Variants in SRGAP2C observed in about 807,000 individuals in gnomAD.
The protein encoded by SRGAP2C is SLIT-ROBO Rho GTPase-activating protein 2C.
In SRGAP2C, 15 loss-of-function variants were observed where a neutral mutation model predicts 25.1. The ratio of observed to expected loss-of-function variants is 0.60; its 90% CI spans 0.40 to 0.92. The LOEUF is 0.92. Among genes scored for constraint, SRGAP2C ranks in the 40% least tolerant of loss-of-function variants. The probability of loss-of-function intolerance (pLI) is 0.00; values close to 1 mark genes in which losing one functional copy is unlikely to be tolerated. For missense variants in SRGAP2C, 144 were observed against 264.4 expected (o/e 0.54, Z 3.16); for synonymous variants, 44 against 96.6 (o/e 0.46, Z 3.19).
At chr1:121,204,230 A>G (rs1313474989) in intron 2 of SRGAP2C, among the ~76,000 whole-genome samples, 3 of 151,702 alleles carry the variant, frequency 2.0e-5, no homozygotes, top group Non-Finnish European at 2.9e-5. Flanking sequence ...TAGGTTTTGC[A>G]TCTTACTAGG....
In SRGAP2C at chr1:121,339,188, A is replaced by G. The variant is rs1553342798; in HGVS notation, c.423+14548A>G. ...AATGTTGCCTATATGATCATATAGC[A>G]GTCTGTAGTCTGGCTGTCCCATAGC... is the stretch of plus-strand genomic sequence containing the variant. On this transcript the variant is annotated intron_variant, in intron 4 of 9. Coordinates refer to ENST00000367123, the MANE Select transcript of SRGAP2C (RefSeq NM_001329984.2). Among the ~76,000 whole-genome samples the G allele has an allele frequency of 5.1e-3, 773 of 150,854 alleles. 10 individuals carry two copies. The highest frequency in any genetic ancestry group is 0.017 in the African/African-American group (718 of 41,076).
At chr1:121,335,318 G>A (rs1467017502) in intron 4 of SRGAP2C, among the ~76,000 whole-genome samples, 1 of 143,030 alleles carries the variant, frequency 7.0e-6, no homozygotes, top group Non-Finnish European at 1.5e-5. Context: ...TCCAGCCTGG[G>A]AGACAGAGCA....
At chr1:121,304,997 G>A (rs1657795936) in intron 3 of SRGAP2C, among the ~76,000 whole-genome samples, 1 of 152,114 alleles carries the variant, frequency 6.6e-6, no homozygotes, top group Non-Finnish European at 1.5e-5. Context: ...TTAAGTCAGG[G>A]CTTTAGCAGA....
intron 2 of SRGAP2C, among the ~76,000 whole-genome samples, chr1:121,257,272 T>A (rs587711009): frequency 2.7e-5 from 4 of 146,836 alleles, no homozygotes; most frequent in Non-Finnish European, 6.0e-5. Flanking sequence ...CGCATCGCCA[T>A]GCCCAGCTAA....
chr1:121,267,983 A>G (rs1167703983), intron 2 of SRGAP2C, among the ~76,000 whole-genome samples: 1 of 150,920 alleles, frequency 6.6e-6, no homozygotes, highest in Non-Finnish European at 1.5e-5. Context: ...CACCCAAAAA[A>G]CAGCTCTTGA....
intron 7 of SRGAP2C, among the ~76,000 whole-genome samples, chr1:121,379,222 A>G (rs781030309): frequency 6.6e-6 from 1 of 152,194 alleles, no homozygotes. Flanking sequence ...CTGAACTGTG[A>G]AACACCCATT....
At chr1:121,321,180 C>T (rs1420419788) in intron 3 of SRGAP2C, among the ~76,000 whole-genome samples, 1 of 141,864 alleles carries the variant, frequency 7.0e-6, no homozygotes, top group Non-Finnish European at 1.5e-5. Flanking sequence ...GAAACTGGGT[C>T]CTGGGTCTCT....
chr1:121,314,320 C>T (rs1570777588), intron 3 of SRGAP2C, among the ~76,000 whole-genome samples: 2 of 150,298 alleles, frequency 1.3e-5, no homozygotes, highest in African/African-American at 2.5e-5. Context: ...TCTAGTTATA[C>T]ATTCTTCTAA....
At chr1:121,189,989 C>A (rs1472957413) in intron 2 of SRGAP2C, among the ~76,000 whole-genome samples, 4 of 147,216 alleles carry the variant, frequency 2.7e-5, no homozygotes, top group Non-Finnish European at 4.5e-5. Context: ...TTCCTTTATT[C>A]ATTAACTATT....
At chr1:121,379,108 G>A (rs1305214387) in intron 7 of SRGAP2C, among the ~76,000 whole-genome samples, 2 of 152,324 alleles carry the variant, frequency 1.3e-5, no homozygotes, top group Non-Finnish European at 2.9e-5. Context: ...GTACATGTAT[G>A]GAAGGTCTTT....
chr1:121,383,387 G>A (rs1205525437), intron 8 of SRGAP2C, among the ~76,000 whole-genome samples: 4 of 152,046 alleles, frequency 2.6e-5, no homozygotes, highest in African/African-American at 4.8e-5. Context: ...GTGGGGAAGC[G>A]AGGGCTAGGT....
intron 5 of SRGAP2C, among the ~76,000 whole-genome samples, chr1:121,369,655 CAAG>C (rs1553350468): frequency 7.7e-6 from 1 of 129,076 alleles, no homozygotes; most frequent in Non-Finnish European, 1.6e-5. Flanking sequence ...ACTAGGGAGA[CAAG>C]AACAAATAAG....
chr1:121,278,225 G>A (rs2101559291), intron 2 of SRGAP2C, among the ~76,000 whole-genome samples: 1 of 151,902 alleles, frequency 6.6e-6, no homozygotes. Flanking sequence ...GGGATTACAG[G>A]GGTGAGCCAC....
chr1:121,283,753 A>C (rs1657301829), intron 2 of SRGAP2C, among the ~76,000 whole-genome samples: 2 of 151,416 alleles, frequency 1.3e-5, no homozygotes, highest in African/African-American at 4.8e-5. Context: ...ATTGGGACAT[A>C]ACTTCAGCAG....
intron 2 of SRGAP2C, among the ~76,000 whole-genome samples, chr1:121,198,929 A>T (rs1376544698): frequency 1.3e-5 from 2 of 152,186 alleles, no homozygotes; most frequent in African/African-American, 4.8e-5. Flanking sequence ...ATTGGCTGCC[A>T]TGATTTTAGA....
chr1:121,267,882 AT>A (rs1313256886), intron 2 of SRGAP2C, among the ~76,000 whole-genome samples: 1 of 151,544 alleles, frequency 6.6e-6, no homozygotes, highest in Non-Finnish European at 1.5e-5. Flanking sequence ...ACTCTTGCTT[AT>A]TTTTTTAAAA....
At chr1:121,367,959 C>T (rs1244494607) in intron 5 of SRGAP2C, among the ~76,000 whole-genome samples, 1 of 104,924 alleles carries the variant, frequency 9.5e-6, no homozygotes, top group East Asian at 3.5e-4. Context: ...GCCTGTCGTC[C>T]CAGCTACTGG....
chr1:121,305,289 G>A (rs1657804669), intron 3 of SRGAP2C, among the ~76,000 whole-genome samples: 2 of 146,290 alleles, frequency 1.4e-5, no homozygotes, highest in African/African-American at 5.1e-5. Context: ...TATGCTTGAT[G>A]TAAGACCTTA....
chr1:121,320,991 T>C (rs1174243398), intron 3 of SRGAP2C, among the ~76,000 whole-genome samples: 37 of 152,186 alleles, frequency 2.4e-4, no homozygotes, highest in Non-Finnish European at 4.7e-4. Context: ...CCTGTACAGC[T>C]TTATTGGAGG....
Sources: allele counts gnomAD v4.1 joint callset (sites outside exome capture counted in the v4.1 genomes callset), GRCh38; gene constraint gnomAD v4.1.1; transcripts MANE v1.5; gene names NCBI Gene and HGNC (gene_info 2026-07-23, HGNC 2026-07-21).